Variants in SLC22A15 observed in about 807,000 individuals in gnomAD.
The protein encoded by SLC22A15 is solute carrier family 22 member 15.
SLC22A15 carries 45 observed loss-of-function variants against 62.7 expected under a neutral mutation model. The ratio of observed to expected loss-of-function variants is 0.72; its 90% CI spans 0.56 to 0.92. The LOEUF is 0.92. Ranked by LOEUF, SLC22A15 falls within the 40% of genes least tolerant of loss-of-function variation. The pLI is 0.00. For missense variants in SLC22A15, 622 were observed against 665.6 expected (o/e 0.93, Z 0.72); for synonymous variants, 264 against 267.0 (o/e 0.99, Z 0.11).
intron 2 of SLC22A15, among the ~76,000 whole-genome samples, chr1:116,009,976 G>C (rs1022783111): frequency 1.8e-4 from 28 of 152,214 alleles, no homozygotes; most frequent in Admixed American, 1.5e-3. Flanking sequence ...ATTACACTTG[G>C]GTCAGGCCTT....
intron 4 of SLC22A15, among the ~76,000 whole-genome samples, chr1:116,025,851 A>G (rs1657059789): frequency 1.3e-5 from 2 of 152,216 alleles, no homozygotes; most frequent in South Asian, 4.1e-4. Flanking sequence ...ACTTATAGAA[A>G]GTGTGTCAGA....
rs191262447 is a variant in SLC22A15, at chr1:116,049,058, A to G, written c.1171+11670A>G. On this transcript the variant is annotated intron_variant, in intron 8 of 11. Coordinates refer to ENST00000369503, the MANE Select transcript of SLC22A15 (RefSeq NM_018420.3). ...TCCAACAGGAAAATATCACAATCCTAAACACATATGCACCTAACACTAGAG... is the reference window on the plus strand; with the variant it reads ...TCCAACAGGAAAATATCACAATCCTGAACACATATGCACCTAACACTAGAG... Among the ~76,000 whole-genome samples, 224 of 152,342 alleles carry G rather than the reference A, an allele frequency of 1.5e-3. 3 individuals are homozygous for G. In the Middle Eastern group the frequency reaches 0.02, roughly 14 times the overall value.
At chr1:116,048,891 G>A (rs1280173073) in intron 8 of SLC22A15, among the ~76,000 whole-genome samples, 1 of 152,176 alleles carries the variant, frequency 6.6e-6, no homozygotes, top group Non-Finnish European at 1.5e-5. Flanking sequence ...TAAACTTAAG[G>A]TAAAGGGGTG....
At chr1:116,023,576 C>CT (rs1319730350) in intron 4 of SLC22A15, among the ~76,000 whole-genome samples, 1 of 152,112 alleles carries the variant, frequency 6.6e-6, no homozygotes, top group Non-Finnish European at 1.5e-5. Flanking sequence ...CCAGACACTG[C>CT]TTTTTTTAGA....
At chr1:115,984,037 A>T (rs1188852067) in intron 1 of SLC22A15, among the ~76,000 whole-genome samples, 4 of 152,232 alleles carry the variant, frequency 2.6e-5, no homozygotes, top group African/African-American at 4.8e-5. Flanking sequence ...GTCTGAATTG[A>T]TATAAAATTC....
intron 5 of SLC22A15, among the ~76,000 whole-genome samples, chr1:116,029,978 C>G (rs1657315111): frequency 6.6e-6 from 1 of 152,232 alleles, no homozygotes; most frequent in South Asian, 2.1e-4. Flanking sequence ...CTATATGCCC[C>G]TATGGATAGG....
At chr1:116,066,732 A>G (rs1242856985) in intron 11 of SLC22A15, 24 bp downstream of exon 11, 3 of 1,594,460 alleles carry the variant, frequency 1.9e-6, no homozygotes, top group Non-Finnish European at 2.6e-6. Context: ...CTTAATTATT[A>G]TACCGCTTGG....
At chr1:116,046,551 GGAGTAGATTGCTGCTCT>G (rs1304748571) in intron 8 of SLC22A15, among the ~76,000 whole-genome samples, 2 of 152,194 alleles carry the variant, frequency 1.3e-5, no homozygotes, top group Admixed American at 1.3e-4. Context: ...ACAGAAAGCA[GGAGTAGATTGCTGCTCT>G]GACTCAGATG....
chr1:116,062,742 A>G lies in SLC22A15; in HGVS notation c.1172-20A>G, dbSNP rs749658206. 6.2e-7 allele frequency: 1 copy of G among 1,613,626 alleles called. No individual in the cohort carries two copies. The highest frequency in any genetic ancestry group is 8.5e-7 in the Non-Finnish European group (1 of 1,179,638). ...TGTTTCAACTGTGGGTCTCACAGGC[A>G]TTGCCCTTGTCCTCCTCAGACACAG... On this transcript the variant is annotated intron_variant, in intron 8 of 11. Transcript: ENST00000369503.
At chr1:115,998,760 T>C (rs569591418) in intron 2 of SLC22A15, among the ~76,000 whole-genome samples, 1 of 152,236 alleles carries the variant, frequency 6.6e-6, no homozygotes, top group Admixed American at 6.5e-5. Flanking sequence ...TTGTGTACTT[T>C]TTTAAAATTT....
At chr1:116,030,922 G>T (rs1657363646) in intron 5 of SLC22A15, among the ~76,000 whole-genome samples, 1 of 151,016 alleles carries the variant, frequency 6.6e-6, no homozygotes, top group Non-Finnish European at 1.5e-5. Context: ...TTTCTATCTT[G>T]TCAGGCTTTT....
intron 7 of SLC22A15, among the ~76,000 whole-genome samples, chr1:116,035,896 C>T (rs1052551557): frequency 6.6e-6 from 1 of 152,152 alleles, no homozygotes; most frequent in African/African-American, 2.4e-5. Flanking sequence ...GAGATTGCTT[C>T]TGTTACTTAG....
chr1:116,043,334 G>C (rs1657842561), intron 8 of SLC22A15, among the ~76,000 whole-genome samples: 1 of 152,172 alleles, frequency 6.6e-6, no homozygotes, highest in Non-Finnish European at 1.5e-5. Context: ...GCTGAGGCAG[G>C]AGAATCCCTT....
chr1:115,988,546 G>A (rs1654993077), intron 1 of SLC22A15, among the ~76,000 whole-genome samples: 3 of 151,868 alleles, frequency 2.0e-5, no homozygotes, highest in Non-Finnish European at 2.9e-5. Flanking sequence ...TTTTGGGGGG[G>A]GACTCTCTCT....
chr1:115,994,776 A>C (rs1218601446), intron 2 of SLC22A15, among the ~76,000 whole-genome samples: 1 of 152,212 alleles, frequency 6.6e-6, no homozygotes, highest in African/African-American at 2.4e-5. Flanking sequence ...ACCACACCAC[A>C]GTTATCAATG....
chr1:115,991,909 C>A, intron 1 of SLC22A15, 122 bp from the exon 2 acceptor site: 1 of 771,594 alleles, frequency 1.3e-6, no homozygotes, highest in Non-Finnish European at 2.1e-6. Flanking sequence ...TGGCTTATAT[C>A]TGTAGCTCAT....
chr1:116,046,322 ACTGG>A (rs1657929127), intron 8 of SLC22A15, among the ~76,000 whole-genome samples: 1 of 152,232 alleles, frequency 6.6e-6, no homozygotes, highest in Non-Finnish European at 1.5e-5. Context: ...TAAGACACAA[ACTGG>A]GAGAAAATAT....
chr1:115,980,904 G>A (rs1414774754), intron 1 of SLC22A15, among the ~76,000 whole-genome samples: 1 of 152,186 alleles, frequency 6.6e-6, no homozygotes, highest in African/African-American at 2.4e-5. Context: ...ACTATAGTTT[G>A]CTGTATGAGA....
intron 5 of SLC22A15, chr1:116,027,355 G>A: frequency 1.9e-6 from 1 of 526,490 alleles, no homozygotes; most frequent in Non-Finnish European, 3.8e-6. Flanking sequence ...TGCTAGGTGT[G>A]TGACTGAGGT....
Sources: gnomAD v4.1 joint callset for allele counts (sites outside exome capture counted in the v4.1 genomes callset) on GRCh38, gnomAD v4.1.1 for gene constraint, MANE v1.5 for transcripts, NCBI Gene and HGNC (gene_info 2026-07-23, HGNC 2026-07-21) for gene names.